ARHGAP42: variants seen among roughly 807,000 people sequenced by gnomAD.
ARHGAP42 encodes Rho GTPase activating protein 42.
Under a neutral mutation model 125.0 loss-of-function variants are expected in ARHGAP42, and 63 were observed. The ratio of observed to expected loss-of-function variants is 0.50; its 90% CI spans 0.41 to 0.62. ARHGAP42 has a LOEUF of 0.62. ARHGAP42 is among the 20% of genes least tolerant of loss of function. The pLI, the probability that ARHGAP42 is intolerant of heterozygous loss-of-function variation, is 0.00. For synonymous variants in ARHGAP42, 339 were observed against 351.0 expected (o/e 0.97, Z 0.38); for missense variants, 766 against 1,024.2 (o/e 0.75, Z 3.44).
chr11:100,924,623 C>T (rs538224229), intron 6 of ARHGAP42, among the ~76,000 whole-genome samples: 37 of 151,742 alleles, frequency 2.4e-4, no homozygotes, highest in Non-Finnish European at 4.4e-4. Flanking sequence ...TCCGAAATCG[C>T]GCCGCTGGAC....
rs1370492590 is a variant in ARHGAP42 at position 100,871,883 on chromosome 11, A to G, written c.384+12258A>G. On this transcript the variant is annotated intron_variant, in intron 4 of 23. Transcript: ENST00000298815. ...TTCAGCCGCCTGAGTAGCTGGGATTACAGGCATGTGCCATCACACCCAGCT... is the reference window on the plus strand; with the variant it reads ...TTCAGCCGCCTGAGTAGCTGGGATTGCAGGCATGTGCCATCACACCCAGCT... 5.9e-5 allele frequency among the ~76,000 whole-genome samples: 9 copies of G among 152,334 alleles called. No individual in the cohort carries two copies. The East Asian group carries it at 1.5e-3, about 26-fold the overall frequency.
At chr11:100,841,249 A>G (rs1222898358) in intron 3 of ARHGAP42, among the ~76,000 whole-genome samples, 4 of 152,142 alleles carry the variant, frequency 2.6e-5, no homozygotes, top group Non-Finnish European at 5.9e-5. Context: ...TCATAGATAA[A>G]AGCTGCAAAT....
intron 8 of ARHGAP42, among the ~76,000 whole-genome samples, chr11:100,939,466 G>A (rs1404363884): frequency 1.3e-5 from 2 of 151,974 alleles, no homozygotes; most frequent in African/African-American, 2.4e-5. Flanking sequence ...AACAACTTCA[G>A]TCACATGCCC....
At chr11:100,900,357 AC>A (rs551319497) in intron 4 of ARHGAP42, among the ~76,000 whole-genome samples, 165 of 152,056 alleles carry the variant, frequency 1.1e-3, no homozygotes, top group African/African-American at 3.8e-3. Context: ...CTTCATTTCA[AC>A]CTTGGTGAAT....
intron 1 of ARHGAP42, among the ~76,000 whole-genome samples, chr11:100,736,551 G>T (rs1357361574): frequency 6.6e-6 from 1 of 152,164 alleles, no homozygotes; most frequent in Non-Finnish European, 1.5e-5. Flanking sequence ...TCCCTGCAGG[G>T]TGTCTCTGTG....
At chr11:100,925,466 A>G (rs2135249886) in intron 6 of ARHGAP42, among the ~76,000 whole-genome samples, 1 of 152,216 alleles carries the variant, frequency 6.6e-6, no homozygotes, top group East Asian at 1.9e-4. Flanking sequence ...AGCCGGGCAC[A>G]GTAGCTCACG....
At chr11:100,830,033 A>G (rs896658775) in intron 3 of ARHGAP42, among the ~76,000 whole-genome samples, 4 of 152,240 alleles carry the variant, frequency 2.6e-5, no homozygotes, top group African/African-American at 9.6e-5. Context: ...GGACAGTAGA[A>G]TAACAATAAA....
Position 100,992,464 on chromosome 11 carries a change from T to C in ARHGAP42, c.*3663T>C. ...TGCTATTTAACTTTGCCTCCTACCC[T>C]TTTTTGTTACCTTCCAAAATCAAGA... is the stretch of plus-strand genomic sequence containing the variant. On this transcript the variant is annotated 3_prime_UTR_variant, in exon 24 of 24. Transcript: ENST00000298815. 2.5e-6 allele frequency: 4 copies of C among 1,614,078 alleles called. No individual in the cohort carries two copies. The highest frequency in any genetic ancestry group is 3.4e-6 in the Non-Finnish European group (4 of 1,179,958).
At chr11:100,895,539 G>C (rs1278080353) in intron 4 of ARHGAP42, among the ~76,000 whole-genome samples, 1 of 150,470 alleles carries the variant, frequency 6.6e-6, no homozygotes, top group African/African-American at 2.5e-5. Flanking sequence ...GATCAAGGGA[G>C]GAGGGTCAGA....
intron 2 of ARHGAP42, among the ~76,000 whole-genome samples, chr11:100,771,681 C>T (rs1238541997): frequency 1.3e-5 from 2 of 152,000 alleles, no homozygotes; most frequent in Non-Finnish European, 2.9e-5. Flanking sequence ...TCACTGCACC[C>T]TCCGCTTCCC....
intron 2 of ARHGAP42, among the ~76,000 whole-genome samples, chr11:100,780,453 AC>A (rs1863281424): frequency 6.6e-6 from 1 of 152,198 alleles, no homozygotes; most frequent in South Asian, 2.1e-4. Context: ...TGTATTGGTA[AC>A]CCCAAAAGCA....
At chr11:100,768,633 T>C (rs1190863802) in intron 1 of ARHGAP42, among the ~76,000 whole-genome samples, 1 of 152,086 alleles carries the variant, frequency 6.6e-6, no homozygotes, top group African/African-American at 2.4e-5. Flanking sequence ...TCCAGAAAAT[T>C]CTATTTTCTT....
At chr11:100,982,322 A>G (rs1858565170) in intron 22 of ARHGAP42, among the ~76,000 whole-genome samples, 1 of 152,198 alleles carries the variant, frequency 6.6e-6, no homozygotes, top group Admixed American at 6.5e-5. Flanking sequence ...AAGACTTGTT[A>G]AAATGAAGAT....
intron 2 of ARHGAP42, among the ~76,000 whole-genome samples, chr11:100,791,359 C>T (rs1196038603): frequency 6.6e-6 from 1 of 152,120 alleles, no homozygotes; most frequent in African/African-American, 2.4e-5. Flanking sequence ...CTTGTACCTG[C>T]TCTATGGTAT....
chr11:100,715,228 T>C (rs545406275), intron 1 of ARHGAP42, among the ~76,000 whole-genome samples: 112 of 152,282 alleles, frequency 7.4e-4, no homozygotes, highest in African/African-American at 2.6e-3. Flanking sequence ...AGAAGTATTC[T>C]GCCTTTGAGG....
At chr11:100,921,432 C>T in intron 5 of ARHGAP42, 62 bp from the exon 6 acceptor site, 2 of 1,176,720 alleles carry the variant, frequency 1.7e-6, no homozygotes, top group Non-Finnish European at 1.2e-6. Context: ...GATACCAGAG[C>T]AGGAATTGAG....
intron 16 of ARHGAP42, among the ~76,000 whole-genome samples, chr11:100,965,420 A>G (rs577633657): frequency 3.9e-5 from 6 of 152,316 alleles, no homozygotes; most frequent in African/African-American, 1.4e-4. Flanking sequence ...TATACAGTTC[A>G]GTGGCTAAGA....
intron 3 of ARHGAP42, among the ~76,000 whole-genome samples, chr11:100,799,341 G>A (rs1026876642): frequency 6.6e-6 from 1 of 152,180 alleles, no homozygotes; most frequent in Admixed American, 6.5e-5. Flanking sequence ...TACTAGAAAT[G>A]TGTATACTTT....
At chr11:100,706,840 A>G (rs1861488538) in intron 1 of ARHGAP42, among the ~76,000 whole-genome samples, 1 of 152,134 alleles carries the variant, frequency 6.6e-6, no homozygotes, top group Admixed American at 6.5e-5. Flanking sequence ...CATTACTGCT[A>G]TCTAATCTTA....
Sources: gnomAD v4.1 joint callset for allele counts (sites outside exome capture counted in the v4.1 genomes callset) on GRCh38, gnomAD v4.1.1 for gene constraint, MANE v1.5 for transcripts, NCBI Gene and HGNC (gene_info 2026-07-23, HGNC 2026-07-21) for gene names.